PTPA: variants seen among roughly 807,000 people sequenced by gnomAD.
The protein encoded by PTPA is serine/threonine-protein phosphatase 2A activator.
Under a neutral mutation model 43.6 loss-of-function variants are expected in PTPA, and 13 were observed. The ratio of observed to expected loss-of-function variants is 0.30; its 90% CI spans 0.19 to 0.47. The LOEUF is 0.47. PTPA is among the 20% of genes least tolerant of loss of function. The pLI is 0.99. For missense variants in PTPA, 329 were observed against 411.9 expected (o/e 0.80, Z 1.74); for synonymous variants, 172 against 158.2 (o/e 1.09, Z -0.66).
At chr9:129,141,151 T>C (rs1260856226) in intron 8 of PTPA, among the ~76,000 whole-genome samples, 2 of 151,194 alleles carry the variant, frequency 1.3e-5, no homozygotes, top group South Asian at 2.1e-4. Context: ...AAATGACAGG[T>C]TTTTTTTGAC....
intron 2 of PTPA, among the ~76,000 whole-genome samples, chr9:129,120,919 T>G (rs1379429854): frequency 6.6e-6 from 1 of 152,194 alleles, no homozygotes; most frequent in Non-Finnish European, 1.5e-5. Context: ...TTTGAAATGA[T>G]GGAGCGAGTC....
intron 9 of PTPA, among the ~76,000 whole-genome samples, chr9:129,144,050 C>T (rs1253945779): frequency 6.6e-6 from 1 of 151,590 alleles, no homozygotes; most frequent in East Asian, 2.0e-4. Context: ...TCTCTACAAG[C>T]CTCTTAATTC....
At chr9:129,143,810 G>A (rs933328596) in intron 9 of PTPA, among the ~76,000 whole-genome samples, 2 of 151,932 alleles carry the variant, frequency 1.3e-5, no homozygotes, top group East Asian at 1.9e-4. Context: ...TCTCCACTCC[G>A]ACTCTGCCCT....
rs1849966161 is a variant in PTPA, at chr9:129,131,504, T to A, written c.343-18T>A. The A allele has an allele frequency of 6.2e-7, 1 of 1,609,746 alleles. No individual in the cohort carries two copies. The highest frequency in any genetic ancestry group is 2.2e-5 in the East Asian group (1 of 44,860). On this transcript the variant is annotated intron_variant, in intron 4 of 9. Transcript: ENST00000393370. ...TGCTTAATATGCTGCCACCACTTTG[T>A]GTCTCTTGTGTTACCAGGAAGCAGA...
intron 1 of PTPA, among the ~76,000 whole-genome samples, chr9:129,113,727 T>A (rs1488773788): frequency 6.6e-6 from 1 of 151,818 alleles, no homozygotes; most frequent in South Asian, 2.1e-4. Context: ...CCGAGATTGC[T>A]CCACTGCACT....
intron 6 of PTPA, among the ~76,000 whole-genome samples, chr9:129,135,158 G>C (rs778505875): frequency 6.6e-6 from 1 of 152,208 alleles, no homozygotes; most frequent in Non-Finnish European, 1.5e-5. Flanking sequence ...ACTTTGGGAG[G>C]CCCAGGCAGG....
chr9:129,128,843 G>A, intron 3 of PTPA, 142 bp from the exon 4 acceptor site: 2 of 982,640 alleles, frequency 2.0e-6, no homozygotes, highest in East Asian at 5.3e-5. Flanking sequence ...ATTCAGAACA[G>A]TGGGGAAGAA....
chr9:129,111,267 G>A (rs904974714), upstream of PTPA: 15 of 1,191,900 alleles, frequency 1.3e-5, no homozygotes, highest in Middle Eastern at 3.5e-4. Context: ...CGCGGCGCCC[G>A]ACGTTCGGGC....
At chr9:129,137,885 G>A (rs965061235) in intron 8 of PTPA, 193 bp downstream of exon 8, 20 of 624,364 alleles carry the variant, frequency 3.2e-5, no homozygotes, top group Admixed American at 2.7e-4. Flanking sequence ...CAGGTCCTCC[G>A]CCCAGTTCTC....
At chr9:129,114,154 G>A (rs1191214478) in intron 1 of PTPA, among the ~76,000 whole-genome samples, 5 of 151,972 alleles carry the variant, frequency 3.3e-5, no homozygotes, top group African/African-American at 1.2e-4. Flanking sequence ...TCAGCCTCCC[G>A]AGTTGCTGAG....
chr9:129,111,081 T>C (rs762263116), upstream of PTPA: 14 of 1,362,754 alleles, frequency 1.0e-5, no homozygotes, highest in South Asian at 3.4e-5. Context: ...TGAGCCTAAC[T>C]CTTAGAGTGA....
At chr9:129,140,335 C>T (rs910479276) in intron 8 of PTPA, among the ~76,000 whole-genome samples, 1 of 152,188 alleles carries the variant, frequency 6.6e-6, no homozygotes, top group African/African-American at 2.4e-5. Context: ...TTTTCCTTTG[C>T]CAGAGTTACA....
Position 129,148,842 on chromosome 9 carries a change from C to T in PTPA, c.*1378C>T, listed in dbSNP as rs1251108134. On this transcript the variant is annotated 3_prime_UTR_variant, in exon 10 of 10. Transcript: ENST00000393370. ...GAAGAGGCCCAGCGTCCACCTCTCT[C>T]CCAGGGCCAGACAGCCCTTCCTGGC... 2.0e-5 allele frequency: 3 copies of T among 152,886 alleles called. No individual in the cohort carries two copies. Among genetic ancestry groups the T allele is most frequent in the African/African-American group, 7.2e-5 (3 of 41,460 alleles). The allele number at this position is 152,886 out of a possible 1,614,324, so 9.5% of individuals were successfully genotyped here.
chr9:129,144,032 T>G (rs977332637), intron 9 of PTPA, among the ~76,000 whole-genome samples: 1 of 151,440 alleles, frequency 6.6e-6, no homozygotes, highest in African/African-American at 2.4e-5. Context: ...GTACCTGAAG[T>G]ACTGTCTTCT....
At chr9:129,110,955 G>C (rs142100802), upstream of PTPA, 12,141 of 1,362,948 alleles carry the variant, frequency 8.9e-3, 64 homozygotes, top group Non-Finnish European at 0.011. This position sits in a 1 kb window ranked among gnomAD's most constrained non-coding sequence, Gnocchi z 5.3. Context: ...GAGTCATTGA[G>C]ACCTGTGGAG....
intron 5 of PTPA, among the ~76,000 whole-genome samples, chr9:129,134,480 T>G (rs1479132776): frequency 6.6e-6 from 1 of 151,910 alleles, no homozygotes; most frequent in African/African-American, 2.4e-5. Context: ...ATTTTTGTAT[T>G]TTTTGTAGAG....
chr9:129,146,254 A>G (rs1311597053), intron 9 of PTPA, among the ~76,000 whole-genome samples: 2 of 152,034 alleles, frequency 1.3e-5, no homozygotes, highest in Non-Finnish European at 1.5e-5. Flanking sequence ...TCTCAGGCCC[A>G]GGATCCTGGC....
intron 8 of PTPA, chr9:129,137,947 T>C: frequency 4.1e-6 from 2 of 486,098 alleles, no homozygotes; most frequent in South Asian, 4.1e-5. Context: ...GTCTAAGACT[T>C]GGTCACTAAC....
chr9:129,134,233 A>G (rs12000526), intron 5 of PTPA, among the ~76,000 whole-genome samples: 5,698 of 150,202 alleles, frequency 0.038, 343 homozygotes, highest in African/African-American at 0.13. Context: ...AGTTAAACCT[A>G]CGTAATGAAA....
Sources: gnomAD v4.1 joint callset for allele counts (sites outside exome capture counted in the v4.1 genomes callset) on GRCh38, gnomAD v4.1.1 for gene constraint, Gnocchi (gnomAD v3.1) non-coding constraint, MANE v1.5 for transcripts, NCBI Gene and HGNC (gene_info 2026-07-23, HGNC 2026-07-21) for gene names.